The following DGLUCY variants were observed in gnomAD, a reference collection of about 807,000 sequenced individuals.
DGLUCY encodes the protein D-glutamate cyclase.
DGLUCY carries 58 observed loss-of-function variants against 58.5 expected under a neutral mutation model. That is an observed-to-expected ratio of 0.99 (90% CI 0.80 to 1.23). The LOEUF (loss-of-function observed/expected upper bound fraction) is 1.23, where lower values mean the gene tolerates loss of function less well. DGLUCY is among the 50% of genes most tolerant of loss of function. The pLI is 0.00. For missense variants in DGLUCY, 779 were observed against 784.7 expected, an observed-to-expected ratio of 0.99 and a Z score of 0.09; for synonymous variants, 325 against 314.1, an observed-to-expected ratio of 1.03 and a Z score of -0.37.
intron 1 of DGLUCY, among the ~76,000 whole-genome samples, chr14:91,135,264 A>G (rs2046260077): frequency 6.6e-6 from 1 of 151,980 alleles, no homozygotes. Flanking sequence ...TTCTTGTTCT[A>G]CTACACAGGC....
intron 12 of DGLUCY, among the ~76,000 whole-genome samples, chr14:91,205,801 C>CT: frequency 3.2e-5 from 4 of 123,816 alleles, no homozygotes; most frequent in African/African-American, 1.2e-4. Flanking sequence ...TCTTCTCCGT[C>CT]TCCTTCTCCT....
At chr14:91,117,713 C>T (rs1363732840) in intron 1 of DGLUCY, among the ~76,000 whole-genome samples, 1 of 151,730 alleles carries the variant, frequency 6.6e-6, no homozygotes, top group Non-Finnish European at 1.5e-5. Flanking sequence ...TTTGAAGAGA[C>T]TTATTCTGAG....
chr14:91,220,738 C>T (rs191210534), intron 13 of DGLUCY: 13 of 447,756 alleles, frequency 2.9e-5, no homozygotes, highest in East Asian at 7.0e-5. Context: ...TCTTGCTCTA[C>T]GGGAAGCCTC....
intron 8 of DGLUCY, among the ~76,000 whole-genome samples, 175 bp from the exon 9 acceptor site, chr14:91,188,735 G>A (rs1046697643): frequency 2.6e-5 from 4 of 152,092 alleles, no homozygotes; most frequent in Admixed American, 1.3e-4. Flanking sequence ...AGGGTGAGGC[G>A]GGAGGATCAC....
In DGLUCY at chr14:91,167,367, C is replaced by G. The variant is rs538544556; in HGVS notation, c.246C>G (p.Ile82Met). ...GGATGCTGCCCCCTCAAGGTGCTAT[C>G]TCAGAGACCAGGTAAAAAGCTTGGG... is the stretch of plus-strand genomic sequence containing the variant. ...EKWMLPPQGA[I>M]SETRMGHPQF... Residue 82 changes from isoleucine to methionine, a missense_variant, in exon 4 of 14, where the codon ATC (isoleucine) becomes ATG (methionine). Transcript: ENST00000256324. 12 of 1,614,040 alleles carry G rather than the reference C, an allele frequency of 7.4e-6. 1 individual carries two copies. In the South Asian group the frequency reaches 1.2e-4, roughly 16 times the overall value.
intron 1 of DGLUCY, among the ~76,000 whole-genome samples, chr14:91,102,131 C>T (rs753945023): frequency 6.6e-6 from 1 of 151,684 alleles, no homozygotes; most frequent in Non-Finnish European, 1.5e-5. Flanking sequence ...ACATATGCCT[C>T]GAAAATATGT....
intron 1 of DGLUCY, among the ~76,000 whole-genome samples, chr14:91,094,736 T>A (rs1457502953): frequency 6.6e-6 from 1 of 150,956 alleles, no homozygotes; most frequent in Non-Finnish European, 1.5e-5. Context: ...GGCAGGAGAA[T>A]CACTTGAACC....
chr14:91,093,699 G>A (rs2044348998), intron 1 of DGLUCY, among the ~76,000 whole-genome samples: 1 of 152,126 alleles, frequency 6.6e-6, no homozygotes, highest in Non-Finnish European at 1.5e-5. Context: ...CAGCTTCTTG[G>A]GAGGCTGAGG....
chr14:91,112,894 G>A (rs1218004131), upstream of DGLUCY, among the ~76,000 whole-genome samples: 1 of 150,398 alleles, frequency 6.6e-6, no homozygotes, highest in East Asian at 2.0e-4. Context: ...TGGCACTCAG[G>A]AGGCTGAGGC....
intron 2 of DGLUCY, among the ~76,000 whole-genome samples, chr14:91,158,102 A>G (rs1037177214): frequency 6.6e-6 from 1 of 152,214 alleles, no homozygotes; most frequent in Non-Finnish European, 1.5e-5. Context: ...GCTGTGTGCC[A>G]GGCAGAGGTG....
chr14:91,145,546 C>T (rs144001045), intron 1 of DGLUCY, among the ~76,000 whole-genome samples: 3 of 152,160 alleles, frequency 2.0e-5, no homozygotes, highest in South Asian at 2.1e-4. Context: ...GGACTGAGGA[C>T]AGGAAGTCAC....
upstream of DGLUCY, among the ~76,000 whole-genome samples, chr14:91,107,413 G>A (rs10141479): frequency 0.13 from 20,410 of 151,988 alleles, 1,470 homozygotes; most frequent in African/African-American, 0.16. Context: ...AGCTACTTGG[G>A]AGGCTGAGGC....
intron 13 of DGLUCY, among the ~76,000 whole-genome samples, chr14:91,216,924 C>T (rs1038418683): frequency 3.9e-5 from 6 of 152,226 alleles, no homozygotes; most frequent in African/African-American, 1.4e-4. Context: ...GGCCAGCGCG[C>T]AGCACCCAAG....
chr14:91,189,742 C>G (rs1345642100), intron 9 of DGLUCY: 5 of 155,830 alleles, frequency 3.2e-5, no homozygotes, highest in African/African-American at 1.2e-4. Context: ...GAGCTGGAAG[C>G]CTGGTGAATC....
intron 6 of DGLUCY, chr14:91,173,867 T>A (rs1473111883): frequency 6.6e-6 from 1 of 151,714 alleles, no homozygotes; most frequent in Non-Finnish European, 1.5e-5. Context: ...AATATATATA[T>A]ATATAATGAA....
intron 1 of DGLUCY, among the ~76,000 whole-genome samples, chr14:91,066,377 GA>G (rs1420358118): frequency 9.6e-5 from 7 of 72,540 alleles, no homozygotes; most frequent in East Asian, 4.0e-4. Flanking sequence ...AACCCCATCT[GA>G]AAAAAAAAAG....
upstream of DGLUCY, among the ~76,000 whole-genome samples, chr14:91,111,248 G>GTGTGTATATA (rs1555391921): frequency 1.2e-5 from 1 of 81,154 alleles, no homozygotes; most frequent in African/African-American, 4.3e-5. Context: ...GTGTGTGTGT[G>GTGTGTATATA]TATATATCTA....
intron 9 of DGLUCY, among the ~76,000 whole-genome samples, chr14:91,190,728 G>A (rs2049831147): frequency 1.3e-5 from 2 of 152,058 alleles, no homozygotes; most frequent in Non-Finnish European, 1.5e-5. Context: ...GAAGTGGGAC[G>A]AGGGACAGAG....
chr14:91,224,542 T>G, intron 13 of DGLUCY, 142 bp from the exon 14 acceptor site: 11 of 802,642 alleles, frequency 1.4e-5, no homozygotes, highest in Non-Finnish European at 2.1e-5. Context: ...TCCAATGGTA[T>G]TAGTACTTTA....
Sources: gnomAD v4.1 joint callset for allele counts (sites outside exome capture counted in the v4.1 genomes callset) on GRCh38, gnomAD v4.1.1 for gene constraint, MANE v1.5 for transcripts, NCBI Gene and HGNC (gene_info 2026-07-23, HGNC 2026-07-21) for gene names.